Variants in COL4A4 observed in about 807,000 individuals in gnomAD.
COL4A4 encodes the protein collagen type IV alpha 4 chain.
In COL4A4, 105 loss-of-function variants were observed where a neutral mutation model predicts 192.9. The observed-to-expected ratio is 0.54, with a 90% CI of 0.46 to 0.64. COL4A4 has a LOEUF of 0.64. COL4A4 is among the 30% of genes least tolerant of loss of function. The probability of loss-of-function intolerance (pLI) is 0.00; values close to 1 mark genes in which losing one functional copy is unlikely to be tolerated. For missense variants in COL4A4, 1,967 were observed against 2,169.3 expected (o/e 0.91, Z 1.85); for synonymous variants, 762 against 769.9 (o/e 0.99, Z 0.17).
At chr2:227,047,699 T>G in intron 34 of COL4A4, 150 bp from the exon 35 acceptor site, 3 of 615,620 alleles carry the variant, frequency 4.9e-6, no homozygotes, top group Non-Finnish European at 8.9e-6. Context: ...TAAGAACAAA[T>G]AGAAATATAG....
chr2:227,006,494 G>A lies in COL4A4; in HGVS notation c.*831C>T, dbSNP rs1216438698. The stretch of plus-strand genomic sequence containing the variant: ...ACTGCAATGGGGAGTCAATTTTTGT[G>A]AATAACTACCTTAATATTCACTAAT... On this transcript the variant is annotated 3_prime_UTR_variant, in exon 48 of 48. Transcript: ENST00000396625. The A allele has an allele frequency of 6.6e-6, 1 of 152,360 alleles. No homozygotes were observed. The highest frequency in any genetic ancestry group is 1.5e-5 in the Non-Finnish European group (1 of 68,038). 9.4% of individuals were successfully genotyped at this position (152,360 alleles called of 1,614,324 possible).
intron 4 of COL4A4, among the ~76,000 whole-genome samples, chr2:227,126,454 A>T (rs2062096071): frequency 6.6e-6 from 1 of 152,242 alleles, no homozygotes; most frequent in African/African-American, 2.4e-5. Context: ...TCTGAATAAC[A>T]GAGATGTTGG....
intron 33 of COL4A4, 116 bp from the exon 34 acceptor site, chr2:227,050,247 G>A (rs1377930152): frequency 6.6e-6 from 6 of 915,492 alleles, no homozygotes; most frequent in Non-Finnish European, 1.1e-5. Flanking sequence ...ATCTGCAGTG[G>A]TAACGAAAGT....
rs116294844 is a variant in COL4A4 at position 227,151,797 on chromosome 2, C to T, written c.-101-4213G>A. Reference sequence around the variant, plus strand: ...AGAGCTTGTTTGCCCCTTCCTTCCACCATGTGAGGATGCAGCAAGAAGGCA... The same window carrying T: ...AGAGCTTGTTTGCCCCTTCCTTCCATCATGTGAGGATGCAGCAAGAAGGCA... On this transcript the variant is annotated intron_variant, in intron 1 of 47. Coordinates refer to ENST00000396625, the MANE Select transcript of COL4A4 (RefSeq NM_000092.5). Among the ~76,000 whole-genome samples, 1,303 of 152,258 alleles carry T rather than the reference C, an allele frequency of 8.6e-3. 11 individuals carry two copies. Among genetic ancestry groups the T allele is most frequent in the South Asian group, 0.022 (108 of 4,816 alleles).
intron 33 of COL4A4, among the ~76,000 whole-genome samples, chr2:227,050,688 C>T (rs1033579585): frequency 6.6e-6 from 1 of 152,134 alleles, no homozygotes; most frequent in African/African-American, 2.4e-5. Context: ...ACTTTCATTC[C>T]AGTAAACCAG....
At chr2:227,135,243 G>GC (rs1559711614) in intron 4 of COL4A4, among the ~76,000 whole-genome samples, 1 of 131,856 alleles carries the variant, frequency 7.6e-6, no homozygotes, top group Non-Finnish European at 1.8e-5. Flanking sequence ...GGACCAACCA[G>GC]CCCCCTCTAG....
chr2:227,112,089 A>C (rs951934339), intron 8 of COL4A4, among the ~76,000 whole-genome samples: 5 of 152,080 alleles, frequency 3.3e-5, no homozygotes, highest in Non-Finnish European at 5.9e-5. Context: ...ACTACCCTAG[A>C]GTGGACAGAA....
intron 16 of COL4A4, 25 bp from the exon 17 acceptor site, chr2:227,101,582 T>TAA (rs59443812): frequency 0.039 from 52,013 of 1,323,442 alleles, no homozygotes; most frequent in Non-Finnish European, 0.044. Flanking sequence ...AAACATGCCT[T>TAA]AAAAAAAAAA....
intron 43 of COL4A4, chr2:227,022,456 G>A (rs1413295755): frequency 9.3e-6 from 6 of 643,038 alleles, no homozygotes; most frequent in Middle Eastern, 2.7e-4. Context: ...ATGAAACAGT[G>A]AAGGTCGGAT....
chr2:226,974,491 C>G, the COL4A4 span, among the ~76,000 whole-genome samples: 1 of 152,172 alleles, frequency 6.6e-6, no homozygotes, highest in African/African-American at 2.4e-5. Context: ...CAGGTCTTGG[C>G]CTCCCAAAGT....
chr2:227,041,818 AAG>A (rs1223541401), intron 37 of COL4A4, among the ~76,000 whole-genome samples: 40 of 38,586 alleles, frequency 1.0e-3, no homozygotes, highest in African/African-American at 6.9e-3. Context: ...GAAAGAAAGA[AAG>A]AAAGAAAGAA....
chr2:227,118,999 G>T (rs1281324332), intron 6 of COL4A4, among the ~76,000 whole-genome samples: 1 of 151,234 alleles, frequency 6.6e-6, no homozygotes, highest in African/African-American at 2.4e-5. Flanking sequence ...TTGAGGAGGG[G>T]ACCTTCCTTA....
At chr2:227,125,514 A>G (rs1338866906) in intron 4 of COL4A4, among the ~76,000 whole-genome samples, 4 of 151,732 alleles carry the variant, frequency 2.6e-5, no homozygotes, top group Non-Finnish European at 5.9e-5. Context: ...CTGCCCATAT[A>G]AAATACTTCG....
chr2:227,016,979 C>T (rs1000972494), intron 44 of COL4A4, among the ~76,000 whole-genome samples: 4 of 152,198 alleles, frequency 2.6e-5, no homozygotes, highest in African/African-American at 4.8e-5. Flanking sequence ...GAATCTGGAA[C>T]TCCACCACCT....
chr2:226,995,404 A>AT, the COL4A4 span: 1 of 1,464,726 alleles, frequency 6.8e-7, no homozygotes, highest in South Asian at 1.2e-5. Flanking sequence ...AGAATGATTG[A>AT]TTTTTCCTTT....
chr2:227,104,727 G>A (rs1471499095), intron 12 of COL4A4, among the ~76,000 whole-genome samples: 2 of 133,324 alleles, frequency 1.5e-5, no homozygotes, highest in East Asian at 2.3e-4. Flanking sequence ...AGCAACCTCC[G>A]CCTCCCGGGT....
At chr2:227,032,445 C>T (rs1193444902) in intron 38 of COL4A4, among the ~76,000 whole-genome samples, 169 bp from the exon 39 acceptor site, 1 of 152,164 alleles carries the variant, frequency 6.6e-6, no homozygotes, top group Non-Finnish European at 1.5e-5. Context: ...TCTCTTAGGA[C>T]CTATCACACT....
intron 19 of COL4A4, among the ~76,000 whole-genome samples, chr2:227,094,699 A>C (rs2060117716): frequency 6.6e-6 from 1 of 152,208 alleles, no homozygotes; most frequent in African/African-American, 2.4e-5. Flanking sequence ...TCTAAAATAA[A>C]TCTTCTCACC....
chr2:227,054,615 G>C lies in COL4A4; in HGVS notation c.2839C>G (p.Arg947Gly). Residue 947 changes from arginine (R) to glycine (G), a missense_variant, in exon 31 of 48, where the codon CGG (arginine) becomes GGG (glycine). Arg to Gly is a moderately radical substitution (Grantham distance 125). Coordinates refer to ENST00000396625, the MANE Select transcript of COL4A4 (RefSeq NM_000092.5). ...TTACCTTTGGCCCCTCTCAGTCCCCGGTCTCCAGGAAGGCCAGACATGCCC... is the reference window on the plus strand; with the variant it reads ...TTACCTTTGGCCCCTCTCAGTCCCCCGTCTCCAGGAAGGCCAGACATGCCC... The part of the protein sequence containing the change: ...EKGMSGLPGD[R>G]GLRGAKGAIG... 6.2e-7 allele frequency: 1 copy of C among 1,614,096 alleles called. No homozygotes were observed.
Sources: allele counts gnomAD v4.1 joint callset (sites outside exome capture counted in the v4.1 genomes callset), GRCh38; gene constraint gnomAD v4.1.1; transcripts MANE v1.5; gene names NCBI Gene and HGNC (gene_info 2026-07-23, HGNC 2026-07-21).